MAST4: variants seen among roughly 807,000 people sequenced by gnomAD.
MAST4 encodes the protein microtubule-associated serine/threonine-protein kinase 4.
A neutral mutation model predicts 162.7 loss-of-function variants in MAST4; 89 were observed. The observed-to-expected ratio is 0.55, with a 90% CI of 0.46 to 0.65. MAST4 has a LOEUF of 0.65. MAST4 is among the 30% of genes least tolerant of loss of function. The pLI is 0.00. For missense variants in MAST4, 3,153 were observed against 3,374.0 expected (o/e 0.93, Z 1.62); for synonymous variants, 1,479 against 1,361.1 (o/e 1.09, Z -1.91).
chr5:66,797,086 T>G (rs1755687007), intron 3 of MAST4, among the ~76,000 whole-genome samples: 1 of 152,210 alleles, frequency 6.6e-6, no homozygotes, highest in African/African-American at 2.4e-5. Flanking sequence ...CCCACTGGTG[T>G]GGACAGGTTC....
At position 66,710,068 on chromosome 5, in the gene MAST4, G is replaced by A. The variant is rs550087564; in HGVS notation, c.364-49641G>A. ...CCTCTCTCCTTACTTTGCTGAAGTC[G>A]GCCCTTGCCATCTTTGGAGTTGGTG... On this transcript the variant is annotated intron_variant, in intron 1 of 28. Coordinates refer to ENST00000403625, the MANE Select transcript of MAST4 (RefSeq NM_001164664.2). Among the ~76,000 whole-genome samples, 8 of 152,266 alleles carry A rather than the reference G, an allele frequency of 5.3e-5. No homozygotes were observed. In the South Asian group the frequency reaches 1.0e-3, roughly 20 times the overall value.
chr5:66,782,340 T>G (rs948347484), intron 2 of MAST4, among the ~76,000 whole-genome samples: 2 of 151,864 alleles, frequency 1.3e-5, no homozygotes, highest in Non-Finnish European at 2.9e-5. Flanking sequence ...TATATAGCCT[T>G]GATAGAACCA....
Position 66,596,842 on chromosome 5 carries a change from C to G in MAST4, c.187C>G (p.Pro63Ala). 1 of 1,282,234 alleles carries G rather than the reference C, an allele frequency of 7.8e-7. No homozygotes were observed. The highest frequency in any genetic ancestry group is 9.9e-7 in the Non-Finnish European group (1 of 1,014,636). 79.4% of individuals were successfully genotyped at this position (1,282,234 alleles called of 1,614,324 possible). A position where few individuals can be genotyped will look rare whatever the true frequency, so the allele number is the denominator to read the frequency against. ...EPGGFSREHQ[P>A]PPPPPLGGTL... is the part of the protein sequence containing the mutation. ...CGGCGGCTTCTCCAGAGAGCATCAG[C>G]CGCCGCCGCCGCCGCCGTTGGGAGG... Residue 63 changes from proline to alanine, a missense_variant, in exon 1 of 29, where the codon CCG (proline) becomes GCG (alanine). Coordinates refer to ENST00000403625, the MANE Select transcript of MAST4 (RefSeq NM_001164664.2).
chr5:66,625,920 A>G (rs941672031), intron 1 of MAST4, among the ~76,000 whole-genome samples: 1 of 152,208 alleles, frequency 6.6e-6, no homozygotes, highest in Admixed American at 6.5e-5. Flanking sequence ...AAAATGTGGT[A>G]TATATGTGTA....
At chr5:66,755,968 C>G (rs1349199777) in intron 1 of MAST4, among the ~76,000 whole-genome samples, 1 of 152,184 alleles carries the variant, frequency 6.6e-6, no homozygotes, top group African/African-American at 2.4e-5. Flanking sequence ...TACAGAAAAT[C>G]TAGGTATAGA....
chr5:67,102,744 T>G (rs770863241), intron 9 of MAST4, 133 bp downstream of exon 9: 2 of 706,522 alleles, frequency 2.8e-6, no homozygotes, highest in Non-Finnish European at 5.0e-6. Flanking sequence ...CTCCATAGTC[T>G]TCTTAGAAAG....
intron 1 of MAST4, among the ~76,000 whole-genome samples, chr5:66,627,551 G>A (rs76634240): frequency 0.022 from 3,337 of 152,256 alleles, 127 homozygotes; most frequent in African/African-American, 0.076. Context: ...CATTGTGTTC[G>A]TGTGAGAATT....
intron 4 of MAST4, among the ~76,000 whole-genome samples, chr5:66,930,454 T>C (rs577547754): frequency 6.6e-6 from 1 of 152,316 alleles, no homozygotes; most frequent in East Asian, 1.9e-4. Flanking sequence ...TACCTGGCTT[T>C]CCAAAAGGTC....
chr5:66,926,568 A>ATG (rs1764909834), intron 4 of MAST4, among the ~76,000 whole-genome samples: 2 of 151,548 alleles, frequency 1.3e-5, no homozygotes, highest in Non-Finnish European at 2.9e-5. Context: ...TTCTCTCTCT[A>ATG]TATATATACA....
At chr5:66,748,937 G>C (rs1351910752) in intron 1 of MAST4, among the ~76,000 whole-genome samples, 1 of 152,038 alleles carries the variant, frequency 6.6e-6, no homozygotes, top group African/African-American at 2.4e-5. Flanking sequence ...TCTATAGTTA[G>C]ATTTTAAGAT....
chr5:66,763,366 T>C (rs1379840108), intron 2 of MAST4, among the ~76,000 whole-genome samples: 3 of 152,204 alleles, frequency 2.0e-5, no homozygotes, highest in Non-Finnish European at 4.4e-5. Flanking sequence ...AGGCAATTAG[T>C]ACATATTTAA....
chr5:67,068,908 C>G (rs1350671025), intron 5 of MAST4, among the ~76,000 whole-genome samples: 1 of 151,980 alleles, frequency 6.6e-6, no homozygotes. Flanking sequence ...CGGCACCCAC[C>G]TGAGAAACAC....
In MAST4 at chr5:67,163,262, G is replaced by C. The variant is rs767118732; in HGVS notation, c.4083G>C (p.Gln1361His). 1 of 1,613,534 alleles carries C rather than the reference G, an allele frequency of 6.2e-7. No individual in the cohort carries two copies. Among genetic ancestry groups the C allele is most frequent in the Non-Finnish European group, 8.5e-7 (1 of 1,179,894 alleles). ...LHGLAPKLGGQRYRSGRRKSA... is the reference protein window; with the variant it reads ...LHGLAPKLGGHRYRSGRRKSA... Reference sequence around the variant, plus strand: ...GTCTTGCACCCAAACTCGGCGGGCAGCGGTACCGGTCCGGAAGGCGAAAGT... The same window carrying C: ...GTCTTGCACCCAAACTCGGCGGGCACCGGTACCGGTCCGGAAGGCGAAAGT... Residue 1361 changes from glutamine (Q) to histidine (H), a missense_variant, in exon 29 of 29, where the codon CAG becomes CAC. Transcript: ENST00000403625. This position sits in a 1 kb window ranked among gnomAD's most constrained non-coding sequence, Gnocchi z 7.0.
At chr5:66,707,047 G>A (rs577678369) in intron 1 of MAST4, among the ~76,000 whole-genome samples, 8 of 152,248 alleles carry the variant, frequency 5.3e-5, no homozygotes, top group Admixed American at 2.0e-4. Context: ...GACATTCAGG[G>A]TGTGGGGCTC....
At chr5:66,678,072 A>G (rs1487571078) in intron 1 of MAST4, among the ~76,000 whole-genome samples, 1 of 152,080 alleles carries the variant, frequency 6.6e-6, no homozygotes, top group East Asian at 1.9e-4. Context: ...ACCAGGTGAG[A>G]TTTTTAGGAA....
At chr5:66,828,323 C>T (rs181511217) in intron 3 of MAST4, among the ~76,000 whole-genome samples, 40 of 152,242 alleles carry the variant, frequency 2.6e-4, no homozygotes, top group Admixed American at 2.5e-3. Context: ...TCTTTGATGC[C>T]TTTGGAAGAG....
At chr5:67,063,468 T>G (rs1172496431) in intron 5 of MAST4, among the ~76,000 whole-genome samples, 1 of 152,210 alleles carries the variant, frequency 6.6e-6, no homozygotes, top group Non-Finnish European at 1.5e-5. Context: ...TTCAATGACA[T>G]TGTTCATATT....
At chr5:66,754,669 C>T (rs1753416102) in intron 1 of MAST4, among the ~76,000 whole-genome samples, 1 of 152,024 alleles carries the variant, frequency 6.6e-6, no homozygotes, top group African/African-American at 2.4e-5. Context: ...GTGGACAAAA[C>T]AATATAGTGC....
At chr5:66,856,735 A>G (rs1561386478) in intron 3 of MAST4, among the ~76,000 whole-genome samples, 1 of 152,222 alleles carries the variant, frequency 6.6e-6, no homozygotes, top group Admixed American at 6.5e-5. Flanking sequence ...CCTTATGCCC[A>G]TATTACTGTA....
Sources: gnomAD v4.1 joint callset for allele counts (sites outside exome capture counted in the v4.1 genomes callset) on GRCh38, gnomAD v4.1.1 for gene constraint, Gnocchi (gnomAD v3.1) non-coding constraint, MANE v1.5 for transcripts, NCBI Gene and HGNC (gene_info 2026-07-23, HGNC 2026-07-21) for gene names.